Variants in GALNT12 observed in about 807,000 individuals in gnomAD.
GALNT12 encodes the protein UDP-GalNAc:polypeptide N-acetylgalactosaminyltransferase 12.
GALNT12 carries 45 observed loss-of-function variants against 55.5 expected under a neutral mutation model. That is an observed-to-expected ratio of 0.81 (90% CI 0.64 to 1.04). GALNT12 has a LOEUF of 1.04. Ranked by LOEUF, GALNT12 falls within the 50% of genes least tolerant of loss-of-function variation. The probability of loss-of-function intolerance (pLI) is 0.00; values close to 1 mark genes in which losing one functional copy is unlikely to be tolerated. For synonymous variants in GALNT12, 304 were observed against 312.2 expected, an observed-to-expected ratio of 0.97 and a Z score of 0.28; for missense variants, 709 against 754.8, an observed-to-expected ratio of 0.94 and a Z score of 0.71.
chr9:98,833,558 A>T (rs1836056712), intron 4 of GALNT12, among the ~76,000 whole-genome samples: 1 of 152,132 alleles, frequency 6.6e-6, no homozygotes, highest in African/African-American at 2.4e-5. Flanking sequence ...TACCATTAGG[A>T]GGCTCTGCAG....
At chr9:98,829,939 G>A (rs1393662975) in intron 3 of GALNT12, among the ~76,000 whole-genome samples, 1 of 152,244 alleles carries the variant, frequency 6.6e-6, no homozygotes, top group African/African-American at 2.4e-5. Context: ...AAACATGAGA[G>A]TGCAGATATA....
intron 1 of GALNT12, 71 bp from the exon 2 acceptor site, chr9:98,823,185 C>T: frequency 7.2e-7 from 1 of 1,397,372 alleles, no homozygotes; most frequent in African/African-American, 1.4e-5. Flanking sequence ...ACCTATGTCC[C>T]CTTTGTCACT....
At chr9:98,820,420 A>C (rs1036177558) in intron 1 of GALNT12, among the ~76,000 whole-genome samples, 2 of 152,216 alleles carry the variant, frequency 1.3e-5, no homozygotes, top group Admixed American at 6.5e-5. Flanking sequence ...TGCAAAGGAC[A>C]TAATCTCATT....
In GALNT12 at chr9:98,831,755, G is replaced by A; in HGVS notation, c.732-17G>A. The A allele has an allele frequency of 6.2e-7, 1 of 1,614,166 alleles. No individual in the cohort carries two copies. The highest frequency in any genetic ancestry group is 8.5e-7 in the Non-Finnish European group (1 of 1,180,008). On this transcript the variant is annotated splice_polypyrimidine_tract_variant and intron_variant, in intron 3 of 9. Coordinates refer to ENST00000375011, the MANE Select transcript of GALNT12 (RefSeq NM_024642.5). ...GTCTGCATAGGAGAGACGGATGGAT[G>A]TCTTGGGTGCTTTCAGGATCCATGA...
In GALNT12 at chr9:98,835,248, G is replaced by C; in HGVS notation, c.918-1G>C. The C allele has an allele frequency of 6.2e-7, 1 of 1,602,236 alleles. No individual in the cohort carries two copies. Among genetic ancestry groups the C allele is most frequent in the Non-Finnish European group, 8.6e-7 (1 of 1,169,080 alleles). Reference sequence around the variant, plus strand: ...GAAATAAGGATATCATACTTTTTTAGGTCTCCAACAATGGCTGGTGGGCTG... The same window carrying C: ...GAAATAAGGATATCATACTTTTTTACGTCTCCAACAATGGCTGGTGGGCTG... On this transcript the variant is annotated splice_acceptor_variant, in intron 4 of 9. Transcript: ENST00000375011. LOFTEE classifies it high-confidence loss of function.
chr9:98,848,362 T>C (rs530841203), intron 9 of GALNT12, among the ~76,000 whole-genome samples: 1 of 152,234 alleles, frequency 6.6e-6, no homozygotes, highest in Admixed American at 6.5e-5. Context: ...AGAGACTTGC[T>C]GAGATAATTG....
At position 98,837,040 on chromosome 9, in the gene GALNT12, A is replaced by C; in HGVS notation, c.1104A>C (p.Gln368His). The change falls in exon 6 of 10, where the codon CAA becomes CAC. Residue 368 changes from glutamine (Q) to histidine (H), a missense_variant. Coordinates refer to ENST00000375011, the MANE Select transcript of GALNT12 (RefSeq NM_024642.5). ...CSHVGHVFPK[Q>H]APYSRNKALA... is the part of the protein sequence containing the mutation. Reference sequence around the variant, plus strand: ...ATGTTGGCCATGTTTTCCCCAAGCAAGCTCCCTACTCCCGCAACAAGGCTC... The same window carrying C: ...ATGTTGGCCATGTTTTCCCCAAGCACGCTCCCTACTCCCGCAACAAGGCTC... 6.2e-7 allele frequency: 1 copy of C among 1,614,164 alleles called. No homozygotes were observed. Among genetic ancestry groups the C allele is most frequent in the Non-Finnish European group, 8.5e-7 (1 of 1,180,032 alleles).
intron 1 of GALNT12, 138 bp downstream of exon 1, chr9:98,808,207 G>T: frequency 1.5e-6 from 1 of 646,268 alleles, no homozygotes; most frequent in Non-Finnish European, 2.6e-6. Flanking sequence ...AGACGATAGT[G>T]TAAGAGCTCA....
chr9:98,827,918 C>A (rs558483451), intron 3 of GALNT12, among the ~76,000 whole-genome samples: 2 of 152,298 alleles, frequency 1.3e-5, no homozygotes, highest in Admixed American at 6.5e-5. Flanking sequence ...ACCTTCCCCC[C>A]TCAAGAAGCC....
rs552549089 is a variant in GALNT12, at chr9:98,835,105, C to T, written c.918-144C>T. 180 of 743,658 alleles carry T rather than the reference C, an allele frequency of 2.4e-4. 1 individual carries two copies. The South Asian group carries it at 2.6e-3, about 11-fold the overall frequency. 46.1% of individuals were successfully genotyped at this position (743,658 alleles called of 1,614,324 possible). A position where few individuals can be genotyped will look rare whatever the true frequency, so the allele number is the denominator to read the frequency against. The stretch of plus-strand genomic sequence containing the variant: ...GTACATCTATGCCTCCAGGCCCAGC[C>T]TAGTGTGGGGCACAGAGGTGAAGGC... On this transcript the variant is annotated intron_variant, in intron 4 of 9. Transcript: ENST00000375011.
At chr9:98,824,001 A>C (rs1161259464) in intron 2 of GALNT12, among the ~76,000 whole-genome samples, 1 of 152,214 alleles carries the variant, frequency 6.6e-6, no homozygotes, top group Admixed American at 6.5e-5. Flanking sequence ...AGCTTAACCA[A>C]GGACAAGTGT....
chr9:98,842,284 G>A (rs1836309044), intron 7 of GALNT12, among the ~76,000 whole-genome samples: 1 of 152,122 alleles, frequency 6.6e-6, no homozygotes, highest in South Asian at 2.1e-4. Flanking sequence ...CTGGGCTCAA[G>A]TGATCCTCCC....
chr9:98,807,941 G>T lies in GALNT12; in HGVS notation c.243G>T (p.Ala81=). The stretch of plus-strand genomic sequence containing the variant: ...ACGCGCTGGGCGCGCGGGGCGAGGC[G>T]GTGCGGCTGCAGCTGCAGGGCGAGG... ...PANALGARGE[A]VRLQLQGEEL... The change falls in exon 1 of 10, where the codon GCG becomes GCT. Residue 81 remains alanine (A), a synonymous_variant. Transcript: ENST00000375011. 7.3e-7 allele frequency: 1 copy of T among 1,370,844 alleles called. No individual in the cohort carries two copies. The allele number at this position is 1,370,844 out of a possible 1,614,324, so 84.9% of individuals were successfully genotyped here.
At position 98,807,770 on chromosome 9, in the gene GALNT12, C is replaced by G. The variant is rs1292527069; in HGVS notation, c.72C>G (p.Leu24=). The part of the protein sequence containing the change: ...LRRGREALLV[L]LALLALAGLG... ...GCGGCCGGGAGGCGCTGTTGGTGCT[C>G]CTGGCGCTACTGGCGTTGGCCGGGC... is the stretch of plus-strand genomic sequence containing the variant. The change falls in exon 1 of 10, where the codon CTC becomes CTG. Residue 24 remains leucine, a synonymous_variant. Transcript: ENST00000375011. 4.3e-6 allele frequency: 5 copies of G among 1,166,498 alleles called. No individual in the cohort carries two copies. In the East Asian group the frequency reaches 2.7e-4, roughly 62 times the overall value. 72.3% of individuals were successfully genotyped at this position (1,166,498 alleles called of 1,614,324 possible).
At chr9:98,837,890 C>A (rs896780761) in intron 6 of GALNT12, among the ~76,000 whole-genome samples, 1 of 152,140 alleles carries the variant, frequency 6.6e-6, no homozygotes, top group African/African-American at 2.4e-5. Context: ...TTGGAGGTTA[C>A]AAATCAATTT....
Position 98,831,891 on chromosome 9 carries a change from T to C in GALNT12, c.851T>C (p.Val284Ala), listed in dbSNP as rs1588449987. Residue 284 changes from valine (V) to alanine (A), a missense_variant, in exon 4 of 10, where the codon GTG becomes GCG. Physicochemically the swap from Val to Ala is moderately conservative, Grantham distance 64. Coordinates refer to ENST00000375011, the MANE Select transcript of GALNT12 (RefSeq NM_024642.5). The stretch of plus-strand genomic sequence containing the variant: ...ATCGGCGGTTTCGACTGGAGGCTGG[T>C]GTTCACGTGGCACACAGTTCCTGAG... ...PQIGGFDWRL[V>A]FTWHTVPERE... 2 of 1,614,034 alleles carry C rather than the reference T, an allele frequency of 1.2e-6. No homozygotes were observed. The highest frequency in any genetic ancestry group is 1.7e-6 in the Non-Finnish European group (2 of 1,179,998).
chr9:98,833,417 G>A (rs1836050865), intron 4 of GALNT12, among the ~76,000 whole-genome samples: 1 of 152,206 alleles, frequency 6.6e-6, no homozygotes, highest in African/African-American at 2.4e-5. Flanking sequence ...AGATGGGCGG[G>A]GCCAAGGGAA....
intron 1 of GALNT12, among the ~76,000 whole-genome samples, chr9:98,814,129 A>G (rs1245821530): frequency 6.6e-6 from 1 of 152,298 alleles, no homozygotes; most frequent in East Asian, 1.9e-4. Context: ...GGCCTGAGGC[A>G]TGTAACCTTC....
intron 2 of GALNT12, 51 bp from the exon 3 acceptor site, chr9:98,826,701 G>C (rs1835861953): frequency 6.4e-7 from 1 of 1,565,492 alleles, no homozygotes; most frequent in African/African-American, 1.4e-5. Context: ...GGGATGAGGC[G>C]CTCCTCCGAG....
Sources: gnomAD v4.1 joint callset for allele counts (sites outside exome capture counted in the v4.1 genomes callset) on GRCh38, gnomAD v4.1.1 for gene constraint, MANE v1.5 for transcripts, NCBI Gene and HGNC (gene_info 2026-07-23, HGNC 2026-07-21) for gene names.